Variants in PPP3CA observed in about 807,000 individuals in gnomAD.
The protein encoded by PPP3CA is CAM-PRP catalytic subunit.
Under a neutral mutation model 66.5 loss-of-function variants are expected in PPP3CA, and 14 were observed. The observed-to-expected ratio is 0.21, with a 90% CI of 0.14 to 0.33. The LOEUF is 0.33. Among genes scored for constraint, PPP3CA ranks in the 10% least tolerant of loss-of-function variants. The pLI is 1.00. For missense variants in PPP3CA, 317 were observed against 639.5 expected, an observed-to-expected ratio of 0.50 and a Z score of 5.44; for synonymous variants, 232 against 226.2, an observed-to-expected ratio of 1.03 and a Z score of -0.23.
At chr4:101,300,929 T>A (rs1361503841) in intron 1 of PPP3CA, among the ~76,000 whole-genome samples, 1 of 152,180 alleles carries the variant, frequency 6.6e-6, no homozygotes, top group African/African-American at 2.4e-5. Context: ...TCACTATGTA[T>A]AAATATTCTG....
intron 1 of PPP3CA, among the ~76,000 whole-genome samples, chr4:101,311,198 C>T (rs1322632671): frequency 6.6e-6 from 1 of 152,192 alleles, no homozygotes; most frequent in East Asian, 1.9e-4. Flanking sequence ...TTTTCCTCTT[C>T]TCTTACACTC....
intron 2 of PPP3CA, among the ~76,000 whole-genome samples, chr4:101,131,277 T>TAAATAAAA (rs1553927201): frequency 0.038 from 5,322 of 140,236 alleles, 341 homozygotes; most frequent in African/African-American, 0.13. Flanking sequence ...AATAAATAAA[T>TAAATAAAA]AAAATAAAAA....
chr4:101,244,056 T>C (rs540488438), intron 1 of PPP3CA, among the ~76,000 whole-genome samples: 37 of 152,324 alleles, frequency 2.4e-4, no homozygotes, highest in African/African-American at 8.7e-4. Flanking sequence ...GTGAAGAGTA[T>C]ATTGACTTGC....
chr4:101,329,862 GAA>G (rs567176723), intron 1 of PPP3CA, among the ~76,000 whole-genome samples: 2 of 145,920 alleles, frequency 1.4e-5, no homozygotes, highest in African/African-American at 4.9e-5. Flanking sequence ...ACTGCTCAGG[GAA>G]AAAAAAAAAA....
At chr4:101,257,659 T>A (rs906543740) in intron 1 of PPP3CA, among the ~76,000 whole-genome samples, 8 of 152,070 alleles carry the variant, frequency 5.3e-5, no homozygotes, top group Non-Finnish European at 1.0e-4. Flanking sequence ...TCTTCATTCA[T>A]GAAACATACA....
chr4:101,144,481 C>A (rs1722908111), intron 2 of PPP3CA, among the ~76,000 whole-genome samples: 1 of 152,140 alleles, frequency 6.6e-6, no homozygotes, highest in African/African-American at 2.4e-5. Context: ...TCTCGGTAAG[C>A]TGCTATTTGT....
At chr4:101,247,315 C>T (rs893516094) in intron 1 of PPP3CA, among the ~76,000 whole-genome samples, 2 of 152,164 alleles carry the variant, frequency 1.3e-5, no homozygotes, top group South Asian at 4.2e-4. Flanking sequence ...GTGTTTACCA[C>T]CACACCCAGC....
intron 1 of PPP3CA, among the ~76,000 whole-genome samples, chr4:101,261,527 T>C (rs545900312): frequency 3.0e-4 from 46 of 152,236 alleles, no homozygotes; most frequent in African/African-American, 9.1e-4. Flanking sequence ...ACATCTGCAT[T>C]TCTTCCAAAG....
chr4:101,161,949 A>T (rs899168849), intron 2 of PPP3CA, among the ~76,000 whole-genome samples: 2 of 152,178 alleles, frequency 1.3e-5, no homozygotes, highest in Admixed American at 6.6e-5. Context: ...GGTTAAAAAA[A>T]GTGAAATAGG....
In PPP3CA at chr4:101,314,177, G is replaced by A. The variant is rs373354950; in HGVS notation, c.58+32562C>T. Among the ~76,000 whole-genome samples the A allele has an allele frequency of 7.2e-5, 11 of 152,090 alleles. No individual in the cohort carries two copies. In the East Asian group the frequency reaches 1.2e-3, roughly 16 times the overall value. On this transcript the variant is annotated intron_variant, in intron 1 of 13. Coordinates refer to ENST00000394854, the MANE Select transcript of PPP3CA (RefSeq NM_000944.5). The stretch of plus-strand genomic sequence containing the variant: ...CAGAAATTTGCAAAAATATGTTTGC[G>A]ATACACTATCCAACACTTGTACTGA...
At chr4:101,256,342 A>G (rs1208659956) in intron 1 of PPP3CA, among the ~76,000 whole-genome samples, 2 of 151,964 alleles carry the variant, frequency 1.3e-5, no homozygotes, top group East Asian at 1.9e-4. Context: ...GCAATGCATA[A>G]TCTCAGCTAT....
intron 2 of PPP3CA, among the ~76,000 whole-genome samples, chr4:101,170,618 C>A (rs1296651896): frequency 6.6e-6 from 1 of 151,820 alleles, no homozygotes; most frequent in African/African-American, 2.4e-5. Context: ...AAAATGTTCA[C>A]CATGCTTGGG....
intron 2 of PPP3CA, among the ~76,000 whole-genome samples, chr4:101,192,469 G>C (rs1230567883): frequency 6.6e-6 from 1 of 152,112 alleles, no homozygotes; most frequent in Non-Finnish European, 1.5e-5. Flanking sequence ...TGGTTATAGA[G>C]ATTAATATTT....
chr4:101,193,436 T>G (rs999725812), intron 2 of PPP3CA, among the ~76,000 whole-genome samples: 1 of 151,834 alleles, frequency 6.6e-6, no homozygotes, highest in Admixed American at 6.6e-5. Flanking sequence ...AAATTAAAAA[T>G]CTGAAACAGC....
intron 1 of PPP3CA, among the ~76,000 whole-genome samples, chr4:101,342,999 G>A (rs1232478362): frequency 6.6e-6 from 1 of 152,062 alleles, no homozygotes; most frequent in Non-Finnish European, 1.5e-5. Context: ...CATGAAGTAC[G>A]TAAGCTGGCA....
At chr4:101,220,576 T>A (rs1329483817) in intron 1 of PPP3CA, among the ~76,000 whole-genome samples, 1 of 151,760 alleles carries the variant, frequency 6.6e-6, no homozygotes, top group Admixed American at 6.6e-5. Flanking sequence ...TGGGTGCAAC[T>A]GACACTAGGC....
At chr4:101,119,950 C>T (rs1456980948) in intron 2 of PPP3CA, among the ~76,000 whole-genome samples, 1 of 151,962 alleles carries the variant, frequency 6.6e-6, no homozygotes, top group Non-Finnish European at 1.5e-5. Flanking sequence ...TTGTTATGTG[C>T]AGCATATTTG....
intron 2 of PPP3CA, among the ~76,000 whole-genome samples, chr4:101,111,391 C>T (rs1321254022): frequency 1.3e-5 from 2 of 152,092 alleles, no homozygotes; most frequent in African/African-American, 4.8e-5. Context: ...TTGCTACTGG[C>T]TCTCTCCCTC....
intron 1 of PPP3CA, among the ~76,000 whole-genome samples, chr4:101,291,034 A>G (rs562327501): frequency 1.1e-4 from 17 of 152,352 alleles, no homozygotes; most frequent in African/African-American, 3.8e-4. Flanking sequence ...AGGAAAGCAC[A>G]ATGTAGGAAA....
Sources: allele counts gnomAD v4.1 joint callset (sites outside exome capture counted in the v4.1 genomes callset), GRCh38; gene constraint gnomAD v4.1.1; transcripts MANE v1.5; gene names NCBI Gene and HGNC (gene_info 2026-07-23, HGNC 2026-07-21).